The following STAP2 variants were observed in gnomAD, a reference collection of about 807,000 sequenced individuals.
STAP2 encodes the protein signal transducing adaptor family member 2, also known as signal-transducing adaptor protein 2.
Under a neutral mutation model 52.7 loss-of-function variants are expected in STAP2, and 58 were observed. That is an observed-to-expected ratio of 1.10 (90% confidence interval 0.89 to 1.37). STAP2 has a LOEUF of 1.37. Ranked by LOEUF, STAP2 falls within the 40% of genes most tolerant of loss-of-function variation. The pLI is 0.00. For synonymous variants in STAP2, 231 were observed against 210.5 expected, an observed-to-expected ratio of 1.10 and a Z score of -0.84; for missense variants, 522 against 519.4, an observed-to-expected ratio of 1.00 and a Z score of -0.05.
intron 1 of STAP2, among the ~76,000 whole-genome samples, chr19:4,334,905 C>CCACT (rs1971955361): frequency 7.0e-6 from 1 of 142,516 alleles, no homozygotes; most frequent in Non-Finnish European, 1.5e-5. Flanking sequence ...ATCCATCCAC[C>CCACT]CATCCATCCA....
chr19:4,337,392 C>T (rs937747261), intron 1 of STAP2, among the ~76,000 whole-genome samples: 8 of 150,252 alleles, frequency 5.3e-5, no homozygotes, highest in African/African-American at 7.3e-5. Flanking sequence ...CCACCACGCC[C>T]GGCTAATCTT....
intron 1 of STAP2, among the ~76,000 whole-genome samples, chr19:4,334,820 CT>C (rs1971950515): frequency 2.1e-4 from 1 of 4,792 alleles, no homozygotes; most frequent in South Asian, 0.012. Context: ...CATCCATCCA[CT>C]CATCCATCCA....
At chr19:4,327,282 A>T (rs1479433725) in intron 7 of STAP2, 34 bp downstream of exon 7, 4 of 1,613,738 alleles carry the variant, frequency 2.5e-6, no homozygotes, top group Non-Finnish European at 3.4e-6. Flanking sequence ...GGACCCCACA[A>T]AGTCACTTCT....
intron 9 of STAP2, 95 bp from the exon 10 acceptor site, chr19:4,325,640 A>T: frequency 2.1e-5 from 29 of 1,397,694 alleles, no homozygotes; most frequent in Non-Finnish European, 2.7e-5. Flanking sequence ...GGAGACAGGC[A>T]TGTGTCCCTG....
intron 6 of STAP2, among the ~76,000 whole-genome samples, 182 bp downstream of exon 6, chr19:4,328,493 T>G (rs1030344748): frequency 4.1e-5 from 3 of 73,568 alleles, no homozygotes; most frequent in African/African-American, 2.3e-4. Flanking sequence ...CAGCTCTGAC[T>G]CCTCCCCCAA....
At chr19:4,334,170 A>C (rs1292501965) in intron 1 of STAP2, 126 bp from the exon 2 acceptor site, 1 of 688,384 alleles carries the variant, frequency 1.5e-6, no homozygotes, top group East Asian at 2.9e-5. Context: ...CCAGATCTTT[A>C]TTACCTCCTG....
chr19:4,337,974 C>T lies in STAP2; in HGVS notation c.102+678G>A, dbSNP rs145251595. ...GTTTGAGGCTACAGTGAGCCATGATCGTGCCCCTGCACTCTAGCCTGGGTG... is the reference window on the plus strand; with the variant it reads ...GTTTGAGGCTACAGTGAGCCATGATTGTGCCCCTGCACTCTAGCCTGGGTG... On this transcript the variant is annotated intron_variant, in intron 1 of 12. Transcript: ENST00000594605. Among the ~76,000 whole-genome samples, 353 of 152,170 alleles carry T rather than the reference C, an allele frequency of 2.3e-3. 1 individual carries two copies. Among genetic ancestry groups the T allele is most frequent in the African/African-American group, 7.4e-3 (308 of 41,498 alleles).
chr19:4,327,023 C>T lies in STAP2; in HGVS notation c.764-16G>A. On this transcript the variant is annotated splice_polypyrimidine_tract_variant and intron_variant, in intron 8 of 12. Transcript: ENST00000594605. The stretch of plus-strand genomic sequence containing the variant: ...TCCACGTAGCCTGGAACAGAGAGGG[C>T]GGCCTGGAGGAAGCGCGGCGGCCAG... The T allele has an allele frequency of 6.3e-7, 1 of 1,575,068 alleles. No individual in the cohort carries two copies. The highest frequency in any genetic ancestry group is 8.6e-7 in the Non-Finnish European group (1 of 1,159,134).
At chr19:4,334,067 G>A (rs1971935337) in intron 1 of STAP2, 23 bp from the exon 2 acceptor site, 1 of 1,600,108 alleles carries the variant, frequency 6.2e-7, no homozygotes, top group South Asian at 1.1e-5. Context: ...AGTGCAGAAA[G>A]AAGAGGTGAG....
intron 9 of STAP2, 34 bp downstream of exon 9, chr19:4,326,908 C>A: frequency 6.5e-7 from 1 of 1,550,062 alleles, no homozygotes; most frequent in South Asian, 1.2e-5. Context: ...GTCCTCGATC[C>A]CTCCCACCTC....
At position 4,334,036 on chromosome 19, in the gene STAP2, C is replaced by T; in HGVS notation, c.111G>A (p.Lys37=). 1.9e-6 allele frequency: 3 copies of T among 1,610,334 alleles called. No individual in the cohort carries two copies. Among genetic ancestry groups the T allele is most frequent in the Non-Finnish European group, 2.5e-6 (3 of 1,178,752 alleles). ...GACCCTGCAGGCCTGCCCAGAACTTCTTGTAATCCTAGGGACCAGAAGTGC... is the reference window on the plus strand; with the variant it reads ...GACCCTGCAGGCCTGCCCAGAACTTTTTGTAATCCTAGGGACCAGAAGTGC... ...EKKGPCDRDY[K]KFWAGLQGLT... Residue 37 remains lysine (K), a synonymous_variant, in exon 2 of 13, where the codon AAG becomes AAA. Transcript: ENST00000594605.
intron 5 of STAP2, 141 bp downstream of exon 5, chr19:4,329,820 T>TC: frequency 4.5e-4 from 19 of 42,520 alleles, no homozygotes; most frequent in South Asian, 3.8e-3. Flanking sequence ...CCCCTCCCCC[T>TC]CCCCCACCCC....
chr19:4,334,711 T>C (rs906893727), intron 1 of STAP2, among the ~76,000 whole-genome samples: 4 of 128,370 alleles, frequency 3.1e-5, no homozygotes, highest in African/African-American at 1.2e-4. Flanking sequence ...TCATCATCCA[T>C]CCATCCAGTC....
At chr19:4,336,003 T>TTTTTG (rs373938612) in intron 1 of STAP2, among the ~76,000 whole-genome samples, 31 of 151,952 alleles carry the variant, frequency 2.0e-4, no homozygotes, top group African/African-American at 6.3e-4. Flanking sequence ...CCCATGATCT[T>TTTTTG]TTTTGTTTTG....
chr19:4,324,298 C>G lies in STAP2; in HGVS notation c.1148-101G>C, dbSNP rs895853463. ...GGACCAGCTACAGATTTGCAGGGCC[C>G]CGTGCAACAGGACAGTGTGCTCGAA... On this transcript the variant is annotated intron_variant, in intron 12 of 12. Coordinates refer to ENST00000594605, the MANE Select transcript of STAP2 (RefSeq NM_001013841.2). 18 of 1,361,150 alleles carry G rather than the reference C, an allele frequency of 1.3e-5. No individual in the cohort carries two copies. The Admixed American group carries it at 3.0e-4, about 22-fold the overall frequency. The allele number at this position is 1,361,150 out of a possible 1,614,324, so 84.3% of individuals were successfully genotyped here.
At chr19:4,335,842 C>T (rs1971972941) in intron 1 of STAP2, among the ~76,000 whole-genome samples, 1 of 152,260 alleles carries the variant, frequency 6.6e-6, no homozygotes, top group African/African-American at 2.4e-5. Flanking sequence ...TGCGTTGAGT[C>T]AAGTCCTCAA....
In STAP2 at chr19:4,325,236, G is replaced by T; in HGVS notation, c.1052C>A (p.Pro351Gln). Residue 351 changes from proline (P) to glutamine (Q), a missense_variant, in exon 11 of 13, where the codon CCA becomes CAA. Transcript: ENST00000594605. ...LPKPPAKLPKPPVGPKPEPKV... is the reference protein window; with the variant it reads ...LPKPPAKLPKQPVGPKPEPKV... ...CCAACCTGGCTTGGGTCCAACGGGT[G>T]GCTTTGGAAGCTTGGCAGGAGGCTT... 1 of 1,598,502 alleles carries T rather than the reference G, an allele frequency of 6.3e-7. No individual in the cohort carries two copies. The highest frequency in any genetic ancestry group is 1.3e-5 in the African/African-American group (1 of 74,562).
rs1461801241 is a variant in STAP2 at position 4,328,726 on chromosome 19, C to G, written c.539G>C (p.Ser180Thr). The change falls in exon 6 of 13, where the codon AGC becomes ACC. Residue 180 changes from serine (S) to threonine (T), a missense_variant. Physicochemically the swap from Ser to Thr is moderately conservative, Grantham distance 58 (BLOSUM62 1). Transcript: ENST00000594605. ...CGACACGCCGTCGGCGCCGTCCCCG[C>G]TGGGCCGCAGCAGCAGGTTCCCGCA... ...PECGNLLLRP[S>T]GDGADGVSVT... 6.2e-7 allele frequency: 1 copy of G among 1,608,960 alleles called. No homozygotes were observed. The highest frequency in any genetic ancestry group is 1.3e-5 in the African/African-American group (1 of 74,946).
intron 1 of STAP2, among the ~76,000 whole-genome samples, chr19:4,335,199 T>C (rs1463998722): frequency 6.9e-6 from 1 of 145,702 alleles, no homozygotes; most frequent in Non-Finnish European, 1.5e-5. Flanking sequence ...CCATCCATCA[T>C]CCATCCATCC....
Sources: allele counts gnomAD v4.1 joint callset (sites outside exome capture counted in the v4.1 genomes callset), GRCh38; gene constraint gnomAD v4.1.1; transcripts MANE v1.5; gene names NCBI Gene and HGNC (gene_info 2026-07-23, HGNC 2026-07-21).